The following ERN2 variants were observed in gnomAD, a reference collection of about 807,000 sequenced individuals.
ERN2 encodes endoplasmic reticulum to nucleus signaling 2, also known as serine/threonine-protein kinase/endoribonuclease IRE2.
In ERN2, 111 loss-of-function variants were observed where a neutral mutation model predicts 107.9. The observed-to-expected ratio is 1.03, with a 90% CI of 0.88 to 1.20. ERN2 has a LOEUF of 1.20. Ranked by LOEUF, ERN2 falls within the 50% of genes most tolerant of loss-of-function variation. The pLI is 0.00. For synonymous variants in ERN2, 524 were observed against 501.7 expected (o/e 1.04, Z -0.59); for missense variants, 1,225 against 1,197.9 (o/e 1.02, Z -0.33).
Position 23,691,196 on chromosome 16 carries a change from T to C in ERN2, c.2501A>G (p.Asp834Gly). The C allele has an allele frequency of 6.2e-7, 1 of 1,614,034 alleles. No homozygotes were observed. Among genetic ancestry groups the C allele is most frequent in the South Asian group, 1.1e-5 (1 of 91,076 alleles). ...CTTATAGGACCGGAACTTTCTCAGA[T>C]CTGTGGACAGGGAATTCAGTGGCAA... ...HEHISMPLQT[D>G]LRKFRSYKGT... Residue 834 changes from aspartate to glycine, a missense_variant and splice_region_variant, in exon 21 of 22, where the codon GAT becomes GGT. Coordinates refer to ENST00000256797, the MANE Select transcript of ERN2 (RefSeq NM_033266.4).
intron 11 of ERN2, among the ~76,000 whole-genome samples, chr16:23,701,444 G>A (rs781520337): frequency 2.6e-5 from 4 of 152,164 alleles, no homozygotes; most frequent in East Asian, 1.9e-4. Flanking sequence ...ATGAGCAACC[G>A]GATTTGAGAA....
intron 3 of ERN2, 40 bp from the exon 4 acceptor site, chr16:23,710,284 GC>G (rs1316837772): frequency 2.6e-6 from 4 of 1,537,836 alleles, no homozygotes; most frequent in Admixed American, 1.7e-5. Context: ...ATGGGTTCTT[GC>G]CCCCTGGTTT....
At chr16:23,707,210 CTG>C in intron 4 of ERN2, 131 bp from the exon 5 acceptor site, 1 of 714,608 alleles carries the variant, frequency 1.4e-6, no homozygotes, top group East Asian at 2.7e-5. Flanking sequence ...GGTAAGGAAA[CTG>C]GGGCTTGGAG....
chr16:23,694,964 G>A (rs749189629), intron 16 of ERN2, 37 bp from the exon 17 acceptor site: 2 of 1,613,718 alleles, frequency 1.2e-6, no homozygotes, highest in South Asian at 2.2e-5. Flanking sequence ...TGGTTGCTGA[G>A]GGCGGAAGGC....
In ERN2 at chr16:23,691,330, G is replaced by T; in HGVS notation, c.2472C>A (p.His824Gln). The change falls in exon 20 of 22, where the codon CAC becomes CAA. Residue 824 changes from histidine to glutamine, a missense_variant. By Grantham distance (24) the His-to-Gln change is conservative. Coordinates refer to ENST00000256797, the MANE Select transcript of ERN2 (RefSeq NM_033266.4). ...GGCAVVRDNWHEHISMPLQTD... is the reference protein window; with the variant it reads ...GGCAVVRDNWQEHISMPLQTD... ...TCTGCAGCGGCATGGAGATGTGCTC[G>T]TGCCAGTTGTCCCGGACCACTGCGC... The T allele has an allele frequency of 6.2e-7, 1 of 1,608,618 alleles. No individual in the cohort carries two copies.
intron 11 of ERN2, among the ~76,000 whole-genome samples, 160 bp downstream of exon 11, chr16:23,701,992 C>CAAA (rs35586747): frequency 0.77 from 115,307 of 150,200 alleles, 48,786 homozygotes; most frequent in Non-Finnish European, 0.92. Context: ...ACAACAACAA[C>CAAA]AAGTTGTGTT....
rs1266144907 is a variant in ERN2 at position 23,701,132 on chromosome 16, T to C, written c.1204-18A>G. ...CTCAATAGCTGGGGATAAAGGGCCCTTCACTTTTAGCACCCCCTTCCACCA... is the reference window on the plus strand; with the variant it reads ...CTCAATAGCTGGGGATAAAGGGCCCCTCACTTTTAGCACCCCCTTCCACCA... On this transcript the variant is annotated intron_variant, in intron 11 of 21. Coordinates refer to ENST00000256797, the MANE Select transcript of ERN2 (RefSeq NM_033266.4). 6.2e-7 allele frequency: 1 copy of C among 1,609,002 alleles called. No individual in the cohort carries two copies. Among genetic ancestry groups the C allele is most frequent in the South Asian group, 1.1e-5 (1 of 90,488 alleles).
Position 23,691,048 on chromosome 16 carries a change from G to C in ERN2, c.2569-5C>G, listed in dbSNP as rs200536264. 367 of 1,614,140 alleles carry C rather than the reference G, an allele frequency of 2.3e-4. 2 individuals carry two copies. In the African/African-American group the frequency reaches 4.1e-3, roughly 18 times the overall value. On this transcript the variant is annotated splice_polypyrimidine_tract_variant and splice_region_variant and intron_variant, in intron 21 of 21. Transcript: ENST00000256797. ...GAGCTCCCTGTAGTGGTGCTTCTGT[G>C]GGTAGGTAGAGCAGAGAACCCTGGC...
Position 23,692,053 on chromosome 16 carries a change from C to T in ERN2, c.2286G>A (p.Leu762=), listed in dbSNP as rs1287827219. The T allele has an allele frequency of 6.2e-7, 1 of 1,613,818 alleles. No homozygotes were observed. The highest frequency in any genetic ancestry group is 1.1e-5 in the South Asian group (1 of 91,076). Residue 762 remains leucine (L), a synonymous_variant, in exon 19 of 22, where the codon TTG becomes TTA. Transcript: ENST00000256797. The part of the protein sequence containing the change: ...VVARDLVGAM[L]SPLPQPRPSA... ...AGGGGCGTGGCTGCGGCAGTGGGCT[C>T]AACATGGCTCCAACCAGGTCCCGGG... is the stretch of plus-strand genomic sequence containing the variant.
chr16:23,706,963 TCTGCTGG>T, intron 5 of ERN2, 37 bp downstream of exon 5: 2 of 1,595,378 alleles, frequency 1.3e-6, no homozygotes, highest in South Asian at 2.2e-5. Context: ...GATCCCTGCC[TCTGCTGG>T]CTGAACCTGG....
chr16:23,695,193 A>G lies in ERN2; in HGVS notation c.1800+7T>C. 6.2e-7 allele frequency: 1 copy of G among 1,613,954 alleles called. No individual in the cohort carries two copies. The highest frequency in any genetic ancestry group is 8.5e-7 in the Non-Finnish European group (1 of 1,179,850). On this transcript the variant is annotated splice_region_variant and intron_variant, in intron 15 of 21. Transcript: ENST00000256797. ...ACTCACCCTCCCTGAACCGCAATGC[A>G]ACTCACCTCCTGCAAGGAGGCCCGG...
At chr16:23,709,112 G>A (rs933144803) in intron 4 of ERN2, 1 of 449,692 alleles carries the variant, frequency 2.2e-6, no homozygotes, top group Non-Finnish European at 4.4e-6. Flanking sequence ...GACTTTTCTA[G>A]CAGGCTTCCC....
intron 12 of ERN2, 68 bp from the exon 13 acceptor site, chr16:23,700,772 G>C: frequency 6.5e-7 from 1 of 1,536,434 alleles, no homozygotes; most frequent in Non-Finnish European, 8.8e-7. Flanking sequence ...CCCAGTATCT[G>C]TGACTGAGAT....
chr16:23,711,926 C>A, intron 1 of ERN2: 1 of 292,840 alleles, frequency 3.4e-6, no homozygotes, highest in Admixed American at 3.6e-5. Flanking sequence ...TGACCCAAGG[C>A]TGGGGGGTGC....
Position 23,695,997 on chromosome 16 carries a change from G to A in ERN2, c.1526-19C>T, listed in dbSNP as rs1435540745. 4 of 1,599,810 alleles carry A rather than the reference G, an allele frequency of 2.5e-6. No individual in the cohort carries two copies. Among genetic ancestry groups the A allele is most frequent in the Admixed American group, 1.7e-5 (1 of 59,946 alleles). ...TGCTCAGCTGGGGGAGAGGAGGGTG[G>A]TGACTCAGGGAGCCTCTGCCCACCT... On this transcript the variant is annotated intron_variant, in intron 13 of 21. Coordinates refer to ENST00000256797, the MANE Select transcript of ERN2 (RefSeq NM_033266.4).
chr16:23,706,412 A>G lies in ERN2; in HGVS notation c.507T>C (p.His169=). ...IGRTQYTVTM[H]DPRAPALRWN... is the part of the protein sequence containing the mutation. ...AGCGCAGGGCTGGGGCTCTTGGGTC[A>G]TGCATGGTGACCGTATACTCTGGGG... Residue 169 remains histidine, a synonymous_variant, in exon 7 of 22, where the codon CAT becomes CAC. Coordinates refer to ENST00000256797, the MANE Select transcript of ERN2 (RefSeq NM_033266.4). The G allele has an allele frequency of 6.4e-7, 1 of 1,572,712 alleles. No individual in the cohort carries two copies. The highest frequency in any genetic ancestry group is 8.6e-7 in the Non-Finnish European group (1 of 1,158,210).
intron 3 of ERN2, 118 bp downstream of exon 3, chr16:23,710,398 C>T (rs1597159775): frequency 8.0e-7 from 1 of 1,247,954 alleles, no homozygotes; most frequent in East Asian, 2.3e-5. Context: ...ACATCCAGAG[C>T]CAATTCTCTT....
intron 17 of ERN2, among the ~76,000 whole-genome samples, chr16:23,693,601 A>AAAT (rs1555466492): frequency 9.4e-4 from 139 of 147,776 alleles, no homozygotes; most frequent in African/African-American, 3.4e-3. Context: ...AAAAAAAAAA[A>AAAT]ATATATATAT....
chr16:23,698,145 A>G (rs1021031294), intron 13 of ERN2, among the ~76,000 whole-genome samples: 3 of 152,190 alleles, frequency 2.0e-5, no homozygotes, highest in African/African-American at 7.2e-5. Context: ...ACTTACAGTC[A>G]GTCACATTCT....
Sources: gnomAD v4.1 joint callset for allele counts (sites outside exome capture counted in the v4.1 genomes callset) on GRCh38, gnomAD v4.1.1 for gene constraint, MANE v1.5 for transcripts, NCBI Gene and HGNC (gene_info 2026-07-23, HGNC 2026-07-21) for gene names.